Variants in NCOA7 observed in about 807,000 individuals in gnomAD.
NCOA7 encodes the protein nuclear receptor coactivator 7.
A neutral mutation model predicts 104.3 loss-of-function variants in NCOA7; 45 were observed. That is an observed-to-expected ratio of 0.43 (90% CI 0.34 to 0.55). The LOEUF is 0.55. NCOA7 is among the 20% of genes least tolerant of loss of function. The probability of loss-of-function intolerance (pLI) is 0.02; values close to 1 mark genes in which losing one functional copy is unlikely to be tolerated. For missense variants in NCOA7, 1,041 were observed against 1,119.7 expected (o/e 0.93, Z 1.00); for synonymous variants, 398 against 402.3 (o/e 0.99, Z 0.13).
intron 2 of NCOA7, among the ~76,000 whole-genome samples, chr6:125,838,885 C>G (rs1174002809): frequency 6.6e-6 from 1 of 151,448 alleles, no homozygotes; most frequent in East Asian, 1.9e-4. Flanking sequence ...AGGAACAGCC[C>G]AATGGAAGAG....
At chr6:125,844,182 GGTT>G (rs1780399100) in intron 2 of NCOA7, among the ~76,000 whole-genome samples, 1 of 152,184 alleles carries the variant, frequency 6.6e-6, no homozygotes, top group Non-Finnish European at 1.5e-5. Flanking sequence ...ATTAGAATGT[GGTT>G]GTTCTTTGAG....
intron 10 of NCOA7, among the ~76,000 whole-genome samples, chr6:125,906,271 C>G (rs1348952483): frequency 6.6e-6 from 1 of 152,102 alleles, no homozygotes; most frequent in Non-Finnish European, 1.5e-5. Context: ...GCAGAGGGAA[C>G]ACATTTTAAG....
chr6:125,851,751 A>T (rs930224383), intron 2 of NCOA7, among the ~76,000 whole-genome samples: 1 of 152,160 alleles, frequency 6.6e-6, no homozygotes, highest in Non-Finnish European at 1.5e-5. Flanking sequence ...CCACACCAAC[A>T]TCTATTGTTT....
rs1784571800 is a variant in NCOA7 at position 125,890,818 on chromosome 6, T to C, written c.2096+8T>C. The C allele has an allele frequency of 6.4e-7, 1 of 1,570,532 alleles. No individual in the cohort carries two copies. Among genetic ancestry groups the C allele is most frequent in the Non-Finnish European group, 8.6e-7 (1 of 1,158,622 alleles). On this transcript the variant is annotated splice_region_variant and intron_variant, in intron 10 of 15. Coordinates refer to ENST00000392477, the MANE Select transcript of NCOA7 (RefSeq NM_181782.5). ...TGCTGTTCCTCGGGAGAGGTGAGTATGGGCTACAATGGAAAGTCTGTGGGT... is the reference window on the plus strand; with the variant it reads ...TGCTGTTCCTCGGGAGAGGTGAGTACGGGCTACAATGGAAAGTCTGTGGGT...
In NCOA7 at chr6:125,889,150, T is replaced by G; in HGVS notation, c.1096T>G (p.Ser366Ala). 6.2e-7 allele frequency: 1 copy of G among 1,614,120 alleles called. No homozygotes were observed. The highest frequency in any genetic ancestry group is 8.5e-7 in the Non-Finnish European group (1 of 1,179,992). ...TACACCTACAAAGCCCTCAGGCAGCTCTGTGTCAGAGAAATTAAAGAAACT... is the reference window on the plus strand; with the variant it reads ...TACACCTACAAAGCCCTCAGGCAGCGCTGTGTCAGAGAAATTAAAGAAACT... ...GHTPTKPSGS[S>A]VSEKLKKLDS... The change falls in exon 9 of 16, where the codon TCT (serine) becomes GCT (alanine). Residue 366 changes from serine to alanine, a missense_variant. Around this residue, in one of 2 missense-constraint regions of NCOA7, gnomAD observed 914 missense variants for 942.7 expected, o/e 0.97. Coordinates refer to ENST00000392477, the MANE Select transcript of NCOA7 (RefSeq NM_181782.5).
At chr6:125,788,052 A>C (rs958929198), upstream of NCOA7, among the ~76,000 whole-genome samples, 1 of 152,244 alleles carries the variant, frequency 6.6e-6, no homozygotes, top group African/African-American at 2.4e-5. Context: ...CATGTTCTTA[A>C]GAAGTACACT....
chr6:125,819,937 A>T (rs1452292395), intron 2 of NCOA7, among the ~76,000 whole-genome samples: 2 of 152,172 alleles, frequency 1.3e-5, no homozygotes, highest in Non-Finnish European at 2.9e-5. Flanking sequence ...CTGTAGTTGA[A>T]CCAAATGGTG....
intron 10 of NCOA7, among the ~76,000 whole-genome samples, chr6:125,898,182 G>C (rs562873466): frequency 6.6e-6 from 1 of 152,284 alleles, no homozygotes; most frequent in African/African-American, 2.4e-5. Flanking sequence ...AAGCCTGAAA[G>C]TCATGAGTAC....
chr6:125,921,180 C>T (rs2128696876), intron 12 of NCOA7, 112 bp downstream of exon 12: 3 of 1,365,484 alleles, frequency 2.2e-6, no homozygotes, highest in Non-Finnish European at 2.9e-6. Context: ...GAGGCCAAGG[C>T]AGGCGGATCA....
At chr6:125,818,937 C>G (rs1777871915) in intron 2 of NCOA7, 2 of 152,220 alleles carry the variant, frequency 1.3e-5, no homozygotes, top group Non-Finnish European at 2.9e-5. Flanking sequence ...CTGATGCAAT[C>G]TCAGTTTTCT....
At chr6:125,855,711 T>G (rs1781495041) in intron 3 of NCOA7, 1 of 151,908 alleles carries the variant, frequency 6.6e-6, no homozygotes, top group Non-Finnish European at 1.5e-5. Context: ...TGAGACAGAG[T>G]CTTGCTCTGT....
chr6:125,881,002 A>T lies in NCOA7; in HGVS notation c.460-88A>T, dbSNP rs1783779825. On this transcript the variant is annotated intron_variant, in intron 5 of 15. Transcript: ENST00000392477. ...AGGTCGTAATCATGCACTGAACATG[A>T]TACTGTGTAGAGAATAACTTCTCCA... The T allele has an allele frequency of 3.4e-6, 3 of 873,262 alleles. No individual in the cohort carries two copies. The East Asian group carries it at 7.3e-5, about 21-fold the overall frequency. The allele number at this position is 873,262 out of a possible 1,614,324, so 54.1% of individuals were successfully genotyped here.
intron 2 of NCOA7, among the ~76,000 whole-genome samples, chr6:125,852,177 T>C (rs1283649205): frequency 2.0e-5 from 3 of 152,100 alleles, no homozygotes; most frequent in Non-Finnish European, 4.4e-5. Flanking sequence ...CTTAGGCCAA[T>C]GTCCGGAAGA....
At chr6:125,857,539 A>G (rs1781672880) in intron 3 of NCOA7, among the ~76,000 whole-genome samples, 1 of 151,680 alleles carries the variant, frequency 6.6e-6, no homozygotes, top group Non-Finnish European at 1.5e-5. Flanking sequence ...CCGACCAGCA[A>G]TGCTCCTGCC....
intron 2 of NCOA7, among the ~76,000 whole-genome samples, chr6:125,845,673 A>C (rs1472930866): frequency 2.6e-5 from 4 of 152,196 alleles, no homozygotes; most frequent in Non-Finnish European, 5.9e-5. Context: ...GCTACTCAGC[A>C]GGAGAATCGT....
At chr6:125,886,442 T>C (rs1400155778) in intron 8 of NCOA7, among the ~76,000 whole-genome samples, 2 of 152,242 alleles carry the variant, frequency 1.3e-5, no homozygotes, top group African/African-American at 2.4e-5. Context: ...GGATATTAAG[T>C]ATTCTATTTA....
chr6:125,897,649 A>G (rs1785145857), intron 10 of NCOA7, among the ~76,000 whole-genome samples: 1 of 152,134 alleles, frequency 6.6e-6, no homozygotes, highest in South Asian at 2.1e-4. Context: ...ATTCTTTACT[A>G]TAGTAAATGC....
chr6:125,922,809 T>G lies in NCOA7; in HGVS notation c.2498T>G (p.Leu833Trp). 1.9e-6 allele frequency: 3 copies of G among 1,614,122 alleles called. No homozygotes were observed. The highest frequency in any genetic ancestry group is 2.5e-6 in the Non-Finnish European group (3 of 1,179,992). Residue 833 changes from leucine to tryptophan, a missense_variant, in exon 13 of 16, where the codon TTG becomes TGG. Physicochemically the swap from Leu to Trp is moderately conservative, Grantham distance 61. Transcript: ENST00000392477. ...GCATCACTAGACAGTCCTGTCCTATTGGTCATCAAAGATATGGATAATCAG... is the reference window on the plus strand; with the variant it reads ...GCATCACTAGACAGTCCTGTCCTATGGGTCATCAAAGATATGGATAATCAG... ...KSASLDSPVL[L>W]VIKDMDNQIF...
intron 10 of NCOA7, among the ~76,000 whole-genome samples, chr6:125,906,784 GT>G (rs1443936727): frequency 6.6e-6 from 1 of 152,158 alleles, no homozygotes; most frequent in Non-Finnish European, 1.5e-5. Flanking sequence ...CTTGAGGTCT[GT>G]TTCCAGAGGG....
Sources: gnomAD v4.1 joint callset for allele counts (sites outside exome capture counted in the v4.1 genomes callset) on GRCh38, gnomAD v4.1.1 for gene constraint, gnomAD v4.1.1 regional missense constraint, MANE v1.5 for transcripts, NCBI Gene and HGNC (gene_info 2026-07-23, HGNC 2026-07-21) for gene names.